TAFA1: variants seen among roughly 807,000 people sequenced by gnomAD.
TAFA1 encodes the protein chemokine-like protein TAFA-1.
TAFA1 carries 4 observed loss-of-function variants against 18.5 expected under a neutral mutation model. That is an observed-to-expected ratio of 0.22 (90% CI 0.11 to 0.49). The LOEUF (loss-of-function observed/expected upper bound fraction) is 0.49. Ranked by LOEUF, TAFA1 falls within the 20% of genes least tolerant of loss-of-function variation. The pLI is 0.98. For synonymous variants in TAFA1, 56 were observed against 55.2 expected (o/e 1.01, Z -0.06); for missense variants, 147 against 169.0 (o/e 0.87, Z 0.72).
At chr3:68,151,619 C>G (rs150358663) in intron 2 of TAFA1, among the ~76,000 whole-genome samples, 1 of 152,122 alleles carries the variant, frequency 6.6e-6, no homozygotes, top group Non-Finnish European at 1.5e-5. Context: ...ACCAAACTCA[C>G]GATTTTCATC....
At chr3:68,457,466 A>C (rs934435752) in intron 3 of TAFA1, among the ~76,000 whole-genome samples, 1 of 152,162 alleles carries the variant, frequency 6.6e-6, no homozygotes, top group African/African-American at 2.4e-5. Context: ...ATGTCTAAAA[A>C]ATTGTTTTGA....
chr3:68,214,479 ACT>A (rs1559561336), intron 2 of TAFA1, among the ~76,000 whole-genome samples: 1 of 151,670 alleles, frequency 6.6e-6, no homozygotes, highest in East Asian at 1.9e-4. Flanking sequence ...TGGCCACCTA[ACT>A]CTGTGATTTC....
intron 2 of TAFA1, among the ~76,000 whole-genome samples, chr3:68,038,031 A>G (rs981623452): frequency 1.3e-5 from 2 of 152,210 alleles, no homozygotes; most frequent in Non-Finnish European, 2.9e-5. Flanking sequence ...TATATTATAA[A>G]TGATTCTCTG....
intron 2 of TAFA1, chr3:68,192,669 T>G (rs1214778469): frequency 2.0e-5 from 3 of 151,628 alleles, no homozygotes; most frequent in Non-Finnish European, 4.4e-5. Context: ...GATCTTGAAA[T>G]AGTTCACATC....
intron 2 of TAFA1, among the ~76,000 whole-genome samples, chr3:68,374,675 A>T (rs949034015): frequency 1.3e-5 from 2 of 152,178 alleles, no homozygotes; most frequent in Admixed American, 6.5e-5. Flanking sequence ...AAAAACCGCA[A>T]TGCTGTGTCA....
chr3:68,179,472 A>G (rs2066168347), intron 2 of TAFA1, among the ~76,000 whole-genome samples: 1 of 152,130 alleles, frequency 6.6e-6, no homozygotes, highest in South Asian at 2.1e-4. Context: ...CCTCCTTTTA[A>G]CATTGGTCTG....
chr3:68,112,166 T>C (rs13060177), intron 2 of TAFA1, among the ~76,000 whole-genome samples: 74,086 of 151,780 alleles, frequency 0.49, 18,788 homozygotes, highest in South Asian at 0.63. Context: ...ATCTGTTCCC[T>C]GTGGTCAGTG....
At chr3:68,350,296 T>C (rs561856342) in intron 2 of TAFA1, among the ~76,000 whole-genome samples, 1 of 152,250 alleles carries the variant, frequency 6.6e-6, no homozygotes, top group African/African-American at 2.4e-5. Context: ...TGAGTATGTG[T>C]TATATACAAT....
chr3:68,542,800 C>A (rs1015172749), intron 4 of TAFA1, among the ~76,000 whole-genome samples: 7 of 152,030 alleles, frequency 4.6e-5, no homozygotes, highest in Admixed American at 4.6e-4. Context: ...AGCCTTTCAC[C>A]AAATACACCA....
chr3:68,400,845 A>G (rs1408014604), intron 2 of TAFA1, among the ~76,000 whole-genome samples: 1 of 152,222 alleles, frequency 6.6e-6, no homozygotes, highest in African/African-American at 2.4e-5. Context: ...CAATCTTCCT[A>G]GATGGCCTCA....
chr3:68,425,786 G>A (rs2071040692), intron 3 of TAFA1, among the ~76,000 whole-genome samples: 1 of 151,906 alleles, frequency 6.6e-6, no homozygotes, highest in Non-Finnish European at 1.5e-5. Flanking sequence ...TAGAGCAGCA[G>A]TTGCCAGTTT....
At chr3:68,386,007 A>T (rs1235972745) in intron 2 of TAFA1, among the ~76,000 whole-genome samples, 3 of 152,114 alleles carry the variant, frequency 2.0e-5, no homozygotes, top group Admixed American at 6.6e-5. Flanking sequence ...CTACAGTGCT[A>T]AAAGTTGGCT....
At chr3:68,007,266 G>GGCAT (rs1170370998) in intron 2 of TAFA1, among the ~76,000 whole-genome samples, 7 of 152,118 alleles carry the variant, frequency 4.6e-5, no homozygotes, top group Non-Finnish European at 1.0e-4. Context: ...TATGCTCAGT[G>GGCAT]GCATTTTTCC....
chr3:68,342,481 C>T (rs187198096), intron 2 of TAFA1, among the ~76,000 whole-genome samples: 2 of 152,342 alleles, frequency 1.3e-5, no homozygotes, highest in Admixed American at 1.3e-4. Context: ...TCAAATACGT[C>T]TTTCTCTTAA....
In TAFA1 at chr3:68,246,589, C is replaced by CAAA. The variant is rs63748968; in HGVS notation, c.119-170657_119-170655dup. On this transcript the variant is annotated intron_variant, in intron 2 of 4. Transcript: ENST00000478136. ...TGGGCGACAGAGCGGGACTCCGTCT[C>CAAA]AAAAAAAAAAAAAAAAAAAAAAAAA... Among the ~76,000 whole-genome samples, 346 of 55,340 alleles carry CAAA rather than the reference C, an allele frequency of 6.3e-3. 79 individuals carry two copies. Among genetic ancestry groups the CAAA allele is most frequent in the Middle Eastern group, 0.029 (2 of 68 alleles). 36.3% of individuals were successfully genotyped at this position (55,340 alleles called of 152,430 possible). A position where few individuals can be genotyped will look rare whatever the true frequency, so the allele number is the denominator to read the frequency against.
rs143361703 is a variant in TAFA1 at position 68,170,418 on chromosome 3, A to G, written c.118+163674A>G. On this transcript the variant is annotated intron_variant, in intron 2 of 4. Transcript: ENST00000478136. Reference sequence around the variant, plus strand: ...CCAGGGTGTTTGTCAAAAATAATCAATTGCAGTTGTTTAATGTTGCAGCTT... The same window carrying G: ...CCAGGGTGTTTGTCAAAAATAATCAGTTGCAGTTGTTTAATGTTGCAGCTT... 1.1e-3 allele frequency among the ~76,000 whole-genome samples: 172 copies of G among 152,306 alleles called. 1 individual carries two copies. Among genetic ancestry groups the G allele is most frequent in the African/African-American group, 3.9e-3 (162 of 41,558 alleles).
chr3:68,489,377 A>C (rs1451605035), intron 3 of TAFA1, among the ~76,000 whole-genome samples: 1 of 152,204 alleles, frequency 6.6e-6, no homozygotes, highest in Non-Finnish European at 1.5e-5. Context: ...ATATTTTGAT[A>C]TGAAATTTTT....
intron 3 of TAFA1, chr3:68,417,642 C>T (rs2070865815): frequency 1.9e-6 from 1 of 520,010 alleles, no homozygotes; most frequent in Non-Finnish European, 3.4e-6. Flanking sequence ...ATTTGCTTGC[C>T]ATTGCAGCAT....
chr3:68,309,384 C>A (rs1483695381), intron 2 of TAFA1, among the ~76,000 whole-genome samples: 1 of 152,084 alleles, frequency 6.6e-6, no homozygotes, highest in Non-Finnish European at 1.5e-5. Flanking sequence ...TACTGAACAC[C>A]TACAATAATC....
Sources: allele counts gnomAD v4.1 joint callset (sites outside exome capture counted in the v4.1 genomes callset), GRCh38; gene constraint gnomAD v4.1.1; transcripts MANE v1.5; gene names NCBI Gene and HGNC (gene_info 2026-07-23, HGNC 2026-07-21).